RARB: variants seen among roughly 807,000 people sequenced by gnomAD.
The protein encoded by RARB is retinoic acid receptor beta.
RARB carries 17 observed loss-of-function variants against 51.9 expected under a neutral mutation model. The observed-to-expected ratio is 0.33, with a 90% confidence interval of 0.22 to 0.49. RARB has a LOEUF of 0.49. Among genes scored for constraint, RARB ranks in the 20% least tolerant of loss-of-function variants. The pLI is 0.99. For synonymous variants in RARB, 215 were observed against 195.4 expected (o/e 1.10, Z -0.84); for missense variants, 369 against 550.8 (o/e 0.67, Z 3.30).
At chr3:24,975,647 A>G (rs533503332) in intron 2 of RARB, among the ~76,000 whole-genome samples, 3 of 152,332 alleles carry the variant, frequency 2.0e-5, no homozygotes, top group East Asian at 1.9e-4. Context: ...CTCCAATGCA[A>G]TAATTTTTAA....
chr3:25,244,157 T>C (rs779801511), intron 5 of RARB, among the ~76,000 whole-genome samples: 10 of 152,148 alleles, frequency 6.6e-5, no homozygotes, highest in African/African-American at 2.2e-4. Context: ...AGTGGTGATA[T>C]CCCCTTTATC....
At chr3:25,231,981 A>C (rs1191132206) in intron 5 of RARB, among the ~76,000 whole-genome samples, 10 of 151,998 alleles carry the variant, frequency 6.6e-5, no homozygotes, top group Admixed American at 6.6e-4. Flanking sequence ...AAAGGTCACA[A>C]AGTTTATATT....
chr3:25,227,500 G>A (rs187071487), intron 5 of RARB, among the ~76,000 whole-genome samples: 10 of 151,732 alleles, frequency 6.6e-5, no homozygotes, highest in Admixed American at 1.3e-4. Context: ...TTTATTTCTC[G>A]TAATACAGAT....
chr3:25,139,539 G>GA (rs954182148), intron 4 of RARB, among the ~76,000 whole-genome samples: 242 of 152,084 alleles, frequency 1.6e-3, no homozygotes, highest in African/African-American at 5.4e-3. Context: ...GAAGCTGCTG[G>GA]AAAAAAAGTT....
intron 7 of RARB, among the ~76,000 whole-genome samples, chr3:25,595,427 C>G (rs76489653): frequency 1.3e-5 from 2 of 152,156 alleles, no homozygotes; most frequent in Non-Finnish European, 1.5e-5. Flanking sequence ...AGTCTTAACT[C>G]GAGCTCCTTC....
At chr3:25,362,518 G>C (rs1035448923) in intron 5 of RARB, among the ~76,000 whole-genome samples, 9 of 152,184 alleles carry the variant, frequency 5.9e-5, no homozygotes, top group Admixed American at 5.9e-4. Context: ...CGCCACAGGG[G>C]TATGGAAAAT....
At chr3:25,148,154 C>T (rs1309632215) in intron 4 of RARB, among the ~76,000 whole-genome samples, 2 of 152,162 alleles carry the variant, frequency 1.3e-5, no homozygotes, top group East Asian at 3.8e-4. Context: ...TTGTTTATTA[C>T]AGAAGTTGCA....
At chr3:25,441,774 T>G (rs950093539) in intron 1 of RARB, among the ~76,000 whole-genome samples, 1 of 152,192 alleles carries the variant, frequency 6.6e-6, no homozygotes, top group African/African-American at 2.4e-5. Flanking sequence ...TCCTTTTGCA[T>G]ATGTTTGTTT....
chr3:25,067,324 A>G (rs1318374552), intron 3 of RARB, among the ~76,000 whole-genome samples: 2 of 152,198 alleles, frequency 1.3e-5, no homozygotes, highest in Non-Finnish European at 2.9e-5. Context: ...AAGAGATTGA[A>G]AAGAAGCAGA....
At chr3:24,912,815 C>T (rs1214074238) in intron 2 of RARB, among the ~76,000 whole-genome samples, 1 of 151,826 alleles carries the variant, frequency 6.6e-6, no homozygotes, top group Non-Finnish European at 1.5e-5. Context: ...GTTTTTCTAT[C>T]CTTGTGTATA....
At chr3:24,890,539 G>T (rs1474562349) in intron 2 of RARB, among the ~76,000 whole-genome samples, 1 of 152,096 alleles carries the variant, frequency 6.6e-6, no homozygotes, top group Non-Finnish European at 1.5e-5. Context: ...GCTTGAGTCT[G>T]GGAGTTGGAA....
At chr3:24,876,951 G>T (rs76200377) in intron 2 of RARB, among the ~76,000 whole-genome samples, 3,698 of 152,160 alleles carry the variant, frequency 0.024, 82 homozygotes, top group Middle Eastern at 0.065. Context: ...TTTTATTAAT[G>T]CCAGTGCTAT....
At chr3:25,015,763 T>G (rs1697494958) in intron 2 of RARB, among the ~76,000 whole-genome samples, 1 of 152,190 alleles carries the variant, frequency 6.6e-6, no homozygotes, top group African/African-American at 2.4e-5. Context: ...TTTTAGACTA[T>G]ATGCATGTGA....
At chr3:25,280,707 A>G (rs376198054) in intron 5 of RARB, among the ~76,000 whole-genome samples, 1 of 152,124 alleles carries the variant, frequency 6.6e-6, no homozygotes. Context: ...TGAAAAGTTA[A>G]TGGAGTTTTG....
At chr3:25,200,290 T>G (rs926193745) in intron 5 of RARB, among the ~76,000 whole-genome samples, 23 of 139,192 alleles carry the variant, frequency 1.7e-4, no homozygotes, top group African/African-American at 2.3e-4. Context: ...TTCTGGTGGG[T>G]TTTTTTTTTT....
intron 2 of RARB, among the ~76,000 whole-genome samples, chr3:25,057,873 C>A (rs973886163): frequency 2.6e-5 from 4 of 151,808 alleles, no homozygotes; most frequent in Non-Finnish European, 5.9e-5. Flanking sequence ...AGAGCTCTTA[C>A]AGAAATTGAA....
chr3:25,461,632 C>T (rs112882582), intron 2 of RARB, among the ~76,000 whole-genome samples: 26 of 152,290 alleles, frequency 1.7e-4, no homozygotes, highest in African/African-American at 4.1e-4. Context: ...TGATGGCTCA[C>T]GCCTGTAATC....
intron 2 of RARB, among the ~76,000 whole-genome samples, chr3:25,491,953 A>G (rs201912553): frequency 1.3e-5 from 2 of 150,622 alleles, no homozygotes; most frequent in East Asian, 3.9e-4. Flanking sequence ...AAAAAAAAAA[A>G]AATTATAAAA....
At chr3:25,365,441 T>C (rs906796906) in intron 5 of RARB, among the ~76,000 whole-genome samples, 1 of 151,904 alleles carries the variant, frequency 6.6e-6, no homozygotes, top group Non-Finnish European at 1.5e-5. Context: ...CCCTCCCAAA[T>C]TAAAAATATG....
Sources: gnomAD v4.1 joint callset for allele counts (sites outside exome capture counted in the v4.1 genomes callset) on GRCh38, gnomAD v4.1.1 for gene constraint, MANE v1.5 for transcripts, NCBI Gene and HGNC (gene_info 2026-07-23, HGNC 2026-07-21) for gene names.